ADAM10: variants seen among roughly 807,000 people sequenced by gnomAD.
ADAM10 encodes the protein disintegrin and metalloproteinase domain-containing protein 10.
ADAM10 carries 17 observed loss-of-function variants against 90.1 expected under a neutral mutation model. The observed-to-expected ratio is 0.19, with a 90% CI of 0.13 to 0.28. The LOEUF (loss-of-function observed/expected upper bound fraction) is 0.28, where lower values mean the gene tolerates loss of function less well. Ranked by LOEUF, ADAM10 falls within the 10% of genes least tolerant of loss-of-function variation. The pLI is 1.00. For synonymous variants in ADAM10, 310 were observed against 298.6 expected, an observed-to-expected ratio of 1.04 and a Z score of -0.40; for missense variants, 610 against 914.3, an observed-to-expected ratio of 0.67 and a Z score of 4.29.
chr15:58,687,913 A>G (rs1897651212), intron 2 of ADAM10, among the ~76,000 whole-genome samples: 1 of 152,208 alleles, frequency 6.6e-6, no homozygotes, highest in Non-Finnish European at 1.5e-5. Context: ...GAGGGGATGA[A>G]TGTGGCCATA....
intron 14 of ADAM10, among the ~76,000 whole-genome samples, chr15:58,606,782 A>G (rs1307318453): frequency 2.0e-5 from 3 of 152,328 alleles, no homozygotes; most frequent in Admixed American, 6.5e-5. Flanking sequence ...TTGCATTTCT[A>G]TGAAGTTCCC....
chr15:58,676,238 C>A (rs548762177), intron 4 of ADAM10: 2 of 453,414 alleles, frequency 4.4e-6, no homozygotes, highest in African/African-American at 4.0e-5. Flanking sequence ...GGGTAAAGAA[C>A]AGGAGGTCCA....
intron 15 of ADAM10, among the ~76,000 whole-genome samples, chr15:58,599,299 G>GAAT (rs1256130624): frequency 2.7e-5 from 4 of 149,752 alleles, no homozygotes; most frequent in Admixed American, 2.7e-4. Context: ...CATGGCAAGG[G>GAAT]AATATGTTAG....
intron 2 of ADAM10, among the ~76,000 whole-genome samples, chr15:58,682,527 G>GT (rs1891316770): frequency 6.6e-6 from 1 of 152,092 alleles, no homozygotes; most frequent in Non-Finnish European, 1.5e-5. Flanking sequence ...AAATTAAACA[G>GT]TAACTGTCTA....
chr15:58,727,454 G>T (rs1489920415), intron 1 of ADAM10, among the ~76,000 whole-genome samples: 1 of 152,010 alleles, frequency 6.6e-6, no homozygotes, highest in Non-Finnish European at 1.5e-5. Flanking sequence ...GCCTCCCAAA[G>T]TGCTGGGATT....
At chr15:58,715,198 G>A (rs1025102543) in intron 2 of ADAM10, among the ~76,000 whole-genome samples, 12 of 151,998 alleles carry the variant, frequency 7.9e-5, no homozygotes, top group African/African-American at 2.9e-4. Flanking sequence ...GAGGTGAGCG[G>A]ATCACTTGAA....
chr15:58,621,504 C>T lies in ADAM10; in HGVS notation c.1478G>A (p.Arg493Lys). ...CCFDANQPEG[R>K]KCKLKPGKQC... ...TTTCCCAGGTTTCAGTTTGCATTTT[C>T]TTCCCTCTGGTTGATTTGCATCGAA... The change falls in exon 11 of 16, where the codon AGA becomes AAA. Residue 493 changes from arginine to lysine, a missense_variant. This residue lies in a region of ADAM10 where 53 missense variants were observed against 62.0 expected (regional missense o/e 0.85). Coordinates refer to ENST00000260408, the MANE Select transcript of ADAM10 (RefSeq NM_001110.4). The T allele has an allele frequency of 6.2e-7, 1 of 1,614,048 alleles. No individual in the cohort carries two copies. The highest frequency in any genetic ancestry group is 1.1e-5 in the South Asian group (1 of 91,084).
intron 5 of ADAM10, among the ~76,000 whole-genome samples, chr15:58,650,053 T>C (rs1896648023): frequency 6.6e-6 from 1 of 152,208 alleles, no homozygotes; most frequent in Non-Finnish European, 1.5e-5. Context: ...TTGTTAACAT[T>C]TGTCAATTCT....
At chr15:58,604,734 A>T (rs1895219750) in intron 14 of ADAM10, among the ~76,000 whole-genome samples, 1 of 152,144 alleles carries the variant, frequency 6.6e-6, no homozygotes, top group South Asian at 2.1e-4. Flanking sequence ...TAGTCTTTTT[A>T]GTACCTACAC....
intron 2 of ADAM10, among the ~76,000 whole-genome samples, chr15:58,696,655 C>G (rs1308126468): frequency 1.3e-5 from 2 of 151,918 alleles, no homozygotes; most frequent in African/African-American, 4.8e-5. Flanking sequence ...TGTACAGATG[C>G]GGTTTCACCA....
intron 1 of ADAM10, among the ~76,000 whole-genome samples, chr15:58,722,111 G>C (rs1226271941): frequency 6.6e-6 from 1 of 151,918 alleles, no homozygotes; most frequent in Non-Finnish European, 1.5e-5. Context: ...AGGCCGAGGC[G>C]AGTGGATCAC....
intron 2 of ADAM10, among the ~76,000 whole-genome samples, chr15:58,700,886 T>C (rs1389020722): frequency 6.6e-6 from 1 of 150,890 alleles, no homozygotes; most frequent in Non-Finnish European, 1.5e-5. Context: ...AGCCCTGTAG[T>C]TCTAGTTACT....
rs778136740 is a variant in ADAM10, at chr15:58,712,594, C to T, written c.206+4983G>A. On this transcript the variant is annotated intron_variant, in intron 2 of 15. Transcript: ENST00000260408. ...CAGCACTTTGGGAGGCCAAGGTGGG[C>T]GGATCATGAGGTCAGGAGATCAAGA... Among the ~76,000 whole-genome samples the T allele has an allele frequency of 4.6e-5, 7 of 150,750 alleles. No individual in the cohort carries two copies. In the South Asian group the frequency reaches 8.3e-4, roughly 18 times the overall value.
chr15:58,730,686 A>C (rs1418179300), intron 1 of ADAM10, among the ~76,000 whole-genome samples: 1 of 152,160 alleles, frequency 6.6e-6, no homozygotes, highest in African/African-American at 2.4e-5. Flanking sequence ...AGAGCTGGTA[A>C]AGCATTATTT....
intron 4 of ADAM10, among the ~76,000 whole-genome samples, chr15:58,677,755 G>C (rs1010006218): frequency 1.6e-4 from 24 of 152,072 alleles, no homozygotes; most frequent in Non-Finnish European, 7.4e-5. Flanking sequence ...GGTTTTCTTT[G>C]ATTTTGATAA....
rs187951977 is a variant in ADAM10, at chr15:58,727,249, G to A, written c.56-9522C>T. Among the ~76,000 whole-genome samples the A allele has an allele frequency of 1.5e-3, 216 of 144,058 alleles. 1 individual carries two copies. Among genetic ancestry groups the A allele is most frequent in the African/African-American group, 5.2e-3 (199 of 38,256 alleles). The allele number at this position is 144,058 out of a possible 152,430, so 94.5% of individuals were successfully genotyped here. On this transcript the variant is annotated intron_variant, in intron 1 of 15. Transcript: ENST00000260408. ...CTCGTTGCCCAGGCCGTAGCGCAAC[G>A]GCGCAATCTCGGCTCACTGCAACCT... is the stretch of plus-strand genomic sequence containing the variant.
rs1762117402 is a variant in ADAM10 at position 58,597,297 on chromosome 15, G to C, written c.*250C>G. The C allele has an allele frequency of 7.8e-7, 1 of 1,276,818 alleles. No individual in the cohort carries two copies. Among genetic ancestry groups the C allele is most frequent in the African/African-American group, 1.5e-5 (1 of 66,732 alleles). The allele number at this position is 1,276,818 out of a possible 1,614,324, so 79.1% of individuals were successfully genotyped here. A position where few individuals can be genotyped will look rare whatever the true frequency, so the allele number is the denominator to read the frequency against. On this transcript the variant is annotated 3_prime_UTR_variant, in exon 16 of 16. Coordinates refer to ENST00000260408, the MANE Select transcript of ADAM10 (RefSeq NM_001110.4). Reference sequence around the variant, plus strand: ...GCACATAATAATATTCTAAGACTTTGTGCCATTAAGTTAAAAATATCTGTT... The same window carrying C: ...GCACATAATAATATTCTAAGACTTTCTGCCATTAAGTTAAAAATATCTGTT...
intron 4 of ADAM10, among the ~76,000 whole-genome samples, chr15:58,674,521 G>A (rs1310417605): frequency 6.6e-6 from 1 of 152,168 alleles, no homozygotes; most frequent in Non-Finnish European, 1.5e-5. Context: ...CAGTTTTCCT[G>A]TTATATGTGA....
intron 15 of ADAM10, 66 bp from the exon 16 acceptor site, chr15:58,597,707 AGCT>A: frequency 6.4e-7 from 1 of 1,573,710 alleles, no homozygotes; most frequent in Non-Finnish European, 8.7e-7. Context: ...TTAAAAGCAA[AGCT>A]GCTGTTTCAA....
Sources: gnomAD v4.1 joint callset for allele counts (sites outside exome capture counted in the v4.1 genomes callset) on GRCh38, gnomAD v4.1.1 for gene constraint, gnomAD v4.1.1 regional missense constraint, MANE v1.5 for transcripts, NCBI Gene and HGNC (gene_info 2026-07-23, HGNC 2026-07-21) for gene names.